The following MTMR8 variants were observed in gnomAD, a reference collection of about 807,000 sequenced individuals.
The protein encoded by MTMR8 is phosphatidylinositol-3,5-bisphosphate 3-phosphatase MTMR8.
In MTMR8, 65 loss-of-function variants were observed where a neutral mutation model predicts 39.3. That is an observed-to-expected ratio of 1.65 (90% CI 1.35 to 2.03). The LOEUF (loss-of-function observed/expected upper bound fraction) is 2.03, where lower values mean the gene tolerates loss of function less well. Among genes scored for constraint, MTMR8 ranks in the 30% most tolerant of loss-of-function variants. The pLI, the probability that MTMR8 is intolerant of heterozygous loss-of-function variation, is 0.00. For synonymous variants in MTMR8, 245 were observed against 185.2 expected (o/e 1.32, Z -2.62); for missense variants, 777 against 538.9 (o/e 1.44, Z -4.37).
At chrX:64,283,545 C>G (rs1172260168) in intron 12 of MTMR8, among the ~76,000 whole-genome samples, 1 of 112,154 alleles carries the variant, frequency 8.9e-6, no homozygotes, top group East Asian at 2.8e-4. Context: ...GTCCCTGATC[C>G]CAGAATAGCC....
chrX:64,304,863 T>C lies in MTMR8; in HGVS notation c.1481+23909A>G, dbSNP rs1449229618. ...CTAAGCTTGATGGATCAAACATTTA[T>C]ATATATATATATATATATATATATA... On this transcript the variant is annotated intron_variant, in intron 12 of 13. Transcript: ENST00000374852. Among the ~76,000 whole-genome samples, 32 of 21,330 alleles carry C rather than the reference T, an allele frequency of 1.5e-3. 1 individual carries two copies. The African/African-American group carries it at 0.055, about 36-fold the overall frequency. The allele number at this position is 21,330 out of a possible 115,157, so 18.5% of individuals were successfully genotyped here. A position where few individuals can be genotyped will look rare whatever the true frequency, so the allele number is the denominator to read the frequency against.
At chrX:64,283,003 G>A (rs966682436) in intron 12 of MTMR8, among the ~76,000 whole-genome samples, 13 of 111,819 alleles carry the variant, frequency 1.2e-4, no homozygotes, top group South Asian at 3.7e-4. Context: ...GCAGCCCACC[G>A]ACTGAGCTGA....
At chrX:64,284,951 C>A (rs1217513808) in intron 12 of MTMR8, among the ~76,000 whole-genome samples, 1 of 111,925 alleles carries the variant, frequency 8.9e-6, no homozygotes, top group Non-Finnish European at 1.9e-5. Context: ...ATCATAACGA[C>A]AGGATCAAAT....
chrX:64,341,207 G>A (rs1336711482), intron 8 of MTMR8, among the ~76,000 whole-genome samples: 1 of 111,891 alleles, frequency 8.9e-6, no homozygotes, highest in African/African-American at 3.2e-5. Flanking sequence ...GGCCGGGCGT[G>A]GTAGCTTACG....
chrX:64,350,335 C>T (rs1480156594), intron 4 of MTMR8, among the ~76,000 whole-genome samples: 7 of 110,240 alleles, frequency 6.3e-5, no homozygotes, highest in Non-Finnish European at 3.8e-5. Context: ...CTCTACCTGT[C>T]TGCTTCATAT....
At chrX:64,380,875 G>A (rs1312273223) in intron 1 of MTMR8, among the ~76,000 whole-genome samples, 2 of 111,513 alleles carry the variant, frequency 1.8e-5, no homozygotes, top group African/African-American at 6.5e-5. Flanking sequence ...ATAGTTTGCT[G>A]AGAATGATGG....
At chrX:64,369,630 G>A (rs752057615) in intron 1 of MTMR8, among the ~76,000 whole-genome samples, 1 of 110,898 alleles carries the variant, frequency 9.0e-6, no homozygotes, top group Non-Finnish European at 1.9e-5. Context: ...AGGGGGCAGG[G>A]GAAGCGATAG....
rs933665256 is a variant in MTMR8, at chrX:64,284,763, C to G, written c.1482-13690G>C. On this transcript the variant is annotated intron_variant, in intron 12 of 13. Transcript: ENST00000374852. ...AAGGAGAAATAAAATCCTTTACAGA[C>G]AAGCAAATGCTGAGAGATTTTGTCA... Among the ~76,000 whole-genome samples, 5 of 111,537 alleles carry G rather than the reference C, an allele frequency of 4.5e-5. No homozygotes were observed. The East Asian group carries it at 1.4e-3, about 31-fold the overall frequency.
intron 12 of MTMR8, among the ~76,000 whole-genome samples, chrX:64,297,046 T>C (rs1335416994): frequency 3.4e-4 from 33 of 97,142 alleles, no homozygotes; most frequent in Admixed American, 9.4e-4. Flanking sequence ...AACATACGTG[T>C]GCATGTGTCT....
At chrX:64,323,002 C>T (rs1029033194) in intron 12 of MTMR8, among the ~76,000 whole-genome samples, 2 of 112,844 alleles carry the variant, frequency 1.8e-5, no homozygotes, top group African/African-American at 6.4e-5. Flanking sequence ...ATGTGCAACC[C>T]TGTGCGCTCA....
intron 12 of MTMR8, among the ~76,000 whole-genome samples, chrX:64,296,701 G>A (rs1472077793): frequency 3.7e-5 from 4 of 107,437 alleles, no homozygotes; most frequent in Admixed American, 1.0e-4. Flanking sequence ...TCTAGCATTA[G>A]GTATATCTTC....
intron 12 of MTMR8, among the ~76,000 whole-genome samples, chrX:64,288,246 AC>A (rs1921267528): frequency 9.0e-6 from 1 of 110,512 alleles, no homozygotes; most frequent in East Asian, 2.9e-4. Flanking sequence ...GCCAACAGCT[AC>A]ATTTATGAGC....
At chrX:64,283,945 T>C (rs1921055037) in intron 12 of MTMR8, among the ~76,000 whole-genome samples, 1 of 112,253 alleles carries the variant, frequency 8.9e-6, no homozygotes, top group African/African-American at 3.2e-5. Context: ...ACGCAGCTCC[T>C]CAACAGCAAT....
chrX:64,342,248 G>A (rs1440780672), intron 8 of MTMR8, among the ~76,000 whole-genome samples: 1 of 112,709 alleles, frequency 8.9e-6, no homozygotes, highest in Non-Finnish European at 1.9e-5. Flanking sequence ...CTTAACTAGA[G>A]AAATAGCAGT....
intron 1 of MTMR8, among the ~76,000 whole-genome samples, chrX:64,366,592 G>A (rs1035439499): frequency 8.9e-6 from 1 of 112,012 alleles, no homozygotes; most frequent in African/African-American, 3.2e-5. Context: ...GAATCTCTGG[G>A]ACACATTTAA....
intron 12 of MTMR8, among the ~76,000 whole-genome samples, chrX:64,320,151 A>G (rs1922594186): frequency 9.0e-6 from 1 of 111,063 alleles, no homozygotes; most frequent in African/African-American, 3.3e-5. Context: ...TAGGTATTTT[A>G]TTCTCTTTGA....
chrX:64,312,827 A>G (rs1045984208), intron 12 of MTMR8, among the ~76,000 whole-genome samples: 1 of 112,306 alleles, frequency 8.9e-6, no homozygotes, highest in Admixed American at 9.4e-5. Flanking sequence ...TCTCCATAAG[A>G]GCTCCTAGAT....
chrX:64,355,203 G>T (rs931771555), intron 3 of MTMR8, among the ~76,000 whole-genome samples: 1 of 111,851 alleles, frequency 8.9e-6, no homozygotes, highest in African/African-American at 3.2e-5. Flanking sequence ...AAAGAATGCT[G>T]GATAATTGAC....
chrX:64,295,047 C>G (rs1165907850), intron 12 of MTMR8, among the ~76,000 whole-genome samples: 1 of 110,676 alleles, frequency 9.0e-6, no homozygotes, highest in Non-Finnish European at 1.9e-5. Flanking sequence ...TAAAGAAGAT[C>G]CAACATTTGA....
Sources: gnomAD v4.1 joint callset for allele counts (sites outside exome capture counted in the v4.1 genomes callset) on GRCh38, gnomAD v4.1.1 for gene constraint, MANE v1.5 for transcripts, NCBI Gene and HGNC (gene_info 2026-07-23, HGNC 2026-07-21) for gene names.